The following FANCC variants were observed in gnomAD, a reference collection of about 807,000 sequenced individuals.
The protein encoded by FANCC is Fanconi anemia group C protein.
In FANCC, 55 loss-of-function variants were observed where a neutral mutation model predicts 71.3. The ratio of observed to expected loss-of-function variants is 0.77; its 90% CI spans 0.62 to 0.97. FANCC has a LOEUF of 0.97. FANCC is among the 50% of genes least tolerant of loss of function. The pLI is 0.00. For synonymous variants in FANCC, 275 were observed against 244.9 expected, an observed-to-expected ratio of 1.12 and a Z score of -1.15; for missense variants, 678 against 670.9, an observed-to-expected ratio of 1.01 and a Z score of -0.12.
At chr9:95,157,911 T>C (rs536728837) in intron 6 of FANCC, among the ~76,000 whole-genome samples, 29 of 152,200 alleles carry the variant, frequency 1.9e-4, no homozygotes, top group South Asian at 1.7e-3. Context: ...ACTGCAATAC[T>C]TGATAAATGT....
intron 1 of FANCC, among the ~76,000 whole-genome samples, chr9:95,263,878 T>G (rs1157339505): frequency 6.6e-6 from 1 of 152,194 alleles, no homozygotes; most frequent in Admixed American, 6.5e-5. Context: ...AGGTATATTA[T>G]GGAAATATAG....
At chr9:95,284,874 A>C (rs1833585901) in intron 1 of FANCC, among the ~76,000 whole-genome samples, 4 of 104,350 alleles carry the variant, frequency 3.8e-5, no homozygotes, top group African/African-American at 1.8e-4. Context: ...ACACACACAC[A>C]CATACACACA....
intron 4 of FANCC, among the ~76,000 whole-genome samples, chr9:95,204,496 C>T (rs1029434552): frequency 3.3e-5 from 5 of 152,202 alleles, no homozygotes; most frequent in African/African-American, 1.2e-4. Context: ...ACTTTCAAAA[C>T]ACAATTTTTG....
chr9:95,112,395 C>T (rs1204263102), intron 12 of FANCC, among the ~76,000 whole-genome samples: 3 of 152,168 alleles, frequency 2.0e-5, no homozygotes, highest in Non-Finnish European at 2.9e-5. Flanking sequence ...TGTTCCTCTG[C>T]CTGGCCCATG....
chr9:95,205,296 C>A (rs1828053682), intron 4 of FANCC, among the ~76,000 whole-genome samples: 5 of 152,004 alleles, frequency 3.3e-5, no homozygotes, highest in Admixed American at 2.6e-4. Flanking sequence ...ATGATATATA[C>A]ATTTAAAGTA....
chr9:95,255,819 T>C (rs1240791628), intron 1 of FANCC, among the ~76,000 whole-genome samples: 1 of 151,836 alleles, frequency 6.6e-6, no homozygotes, highest in Non-Finnish European at 1.5e-5. Flanking sequence ...TTAGAGGAAC[T>C]GCTAACTAGA....
At chr9:95,177,748 T>C (rs945496979) in intron 4 of FANCC, among the ~76,000 whole-genome samples, 1 of 152,202 alleles carries the variant, frequency 6.6e-6, no homozygotes, top group African/African-American at 2.4e-5. Flanking sequence ...CTTCAACCCC[T>C]GGCTCACTGT....
At chr9:95,101,911 T>C in intron 14 of FANCC, 61 bp from the exon 15 acceptor site, 2 of 1,601,148 alleles carry the variant, frequency 1.2e-6, no homozygotes, top group Non-Finnish European at 1.7e-6. Context: ...TTGTCCTTTG[T>C]CCAGGGACGG....
At chr9:95,142,160 T>C (rs1828849530) in intron 7 of FANCC, among the ~76,000 whole-genome samples, 1 of 151,802 alleles carries the variant, frequency 6.6e-6, no homozygotes, top group Admixed American at 6.6e-5. Context: ...ACCCAGCTAA[T>C]TTTTGTATTT....
intron 4 of FANCC, among the ~76,000 whole-genome samples, chr9:95,207,534 C>G (rs1224491117): frequency 6.6e-6 from 1 of 152,170 alleles, no homozygotes; most frequent in African/African-American, 2.4e-5. Context: ...AAGACCGAGA[C>G]TCAGAAAACC....
intron 4 of FANCC, among the ~76,000 whole-genome samples, chr9:95,216,225 C>T (rs930957064): frequency 1.3e-5 from 2 of 151,638 alleles, no homozygotes; most frequent in African/African-American, 4.9e-5. Context: ...GACTTAAAAA[C>T]AAAAAGTATT....
At chr9:95,268,914 C>T (rs908927712) in intron 1 of FANCC, among the ~76,000 whole-genome samples, 1 of 152,200 alleles carries the variant, frequency 6.6e-6, no homozygotes, top group Non-Finnish European at 1.5e-5. Flanking sequence ...CTCTCAGAAC[C>T]TCTCCAAAGC....
chr9:95,176,205 T>C (rs1261275560), intron 4 of FANCC, among the ~76,000 whole-genome samples: 1 of 152,202 alleles, frequency 6.6e-6, no homozygotes, highest in Non-Finnish European at 1.5e-5. Context: ...AGTTATTTAC[T>C]CTATGGCCAA....
intron 11 of FANCC, among the ~76,000 whole-genome samples, 198 bp from the exon 12 acceptor site, chr9:95,114,908 C>T (rs891649019): frequency 6.6e-6 from 1 of 152,138 alleles, no homozygotes; most frequent in South Asian, 2.1e-4. Flanking sequence ...CCATGTCACA[C>T]AGAGTTGAAC....
At chr9:95,260,679 T>TAAAAAAAAAAAAA (rs1254519022) in intron 1 of FANCC, among the ~76,000 whole-genome samples, 1 of 77,248 alleles carries the variant, frequency 1.3e-5, no homozygotes, top group Non-Finnish European at 2.5e-5. Context: ...TCTCAGAACT[T>TAAAAAAAAAAAAA]AAAATATAAA....
intron 8 of FANCC, among the ~76,000 whole-genome samples, chr9:95,127,947 C>G (rs1223476387): frequency 3.3e-5 from 5 of 152,240 alleles, no homozygotes; most frequent in African/African-American, 1.2e-4. Context: ...ATGTCCTACT[C>G]TTTAAATAAT....
intron 4 of FANCC, among the ~76,000 whole-genome samples, chr9:95,239,945 G>C (rs924545111): frequency 2.6e-5 from 4 of 152,328 alleles, no homozygotes; most frequent in Middle Eastern, 6.8e-3. Context: ...CCAGTCCTGG[G>C]GTTGCTGCAG....
At chr9:95,222,575 G>A (rs933108832) in intron 4 of FANCC, among the ~76,000 whole-genome samples, 4 of 152,162 alleles carry the variant, frequency 2.6e-5, no homozygotes, top group Admixed American at 6.5e-5. Flanking sequence ...TGGTTATAAA[G>A]AGGTATACAT....
At chr9:95,110,853 TAAC>T in intron 13 of FANCC, 1 of 1,180,798 alleles carries the variant, frequency 8.5e-7, no homozygotes, top group Non-Finnish European at 1.1e-6. Context: ...CCACATAAAA[TAAC>T]AACTGTCTTT....
Sources: gnomAD v4.1 joint callset for allele counts (sites outside exome capture counted in the v4.1 genomes callset) on GRCh38, gnomAD v4.1.1 for gene constraint, MANE v1.5 for transcripts, NCBI Gene and HGNC (gene_info 2026-07-23, HGNC 2026-07-21) for gene names.